The following TSHR variants were observed in gnomAD, a reference collection of about 807,000 sequenced individuals.
The protein encoded by TSHR is thyroid stimulating hormone receptor.
Under a neutral mutation model 64.1 loss-of-function variants are expected in TSHR, and 51 were observed. The observed-to-expected ratio is 0.80, with a 90% CI of 0.64 to 1.01. TSHR has a LOEUF of 1.01. Ranked by LOEUF, TSHR falls within the 50% of genes least tolerant of loss-of-function variation. The pLI is 0.00. For synonymous variants in TSHR, 361 were observed against 361.9 expected (o/e 1.00, Z 0.03); for missense variants, 877 against 942.8 (o/e 0.93, Z 0.91).
chr14:81,011,237 AATTG>A lies in TSHR; in HGVS notation c.171-50907_171-50904del, dbSNP rs1327478734. On this transcript the variant is annotated intron_variant, in intron 1 of 9. Transcript: ENST00000298171. ...TTTTCTTCTTTCTTTTTTTTTCTGA[AATTG>A]ATTAAGAAAAAAAGTATCAGGTTTT... 2.7e-5 allele frequency among the ~76,000 whole-genome samples: 4 copies of A among 149,532 alleles called. No homozygotes were observed. In the Admixed American group the frequency reaches 2.7e-4, roughly 10 times the overall value.
intron 1 of TSHR, chr14:80,959,424 T>A (rs751490573): frequency 6.6e-6 from 1 of 152,218 alleles, no homozygotes; most frequent in Non-Finnish European, 1.5e-5. Context: ...CCCATCACCC[T>A]CTCTTACTCA....
At chr14:81,060,388 T>A (rs1284895705) in intron 1 of TSHR, among the ~76,000 whole-genome samples, 1 of 152,098 alleles carries the variant, frequency 6.6e-6, no homozygotes, top group Non-Finnish European at 1.5e-5. Context: ...ATTAAGGAAA[T>A]AAAAGTGGGA....
At chr14:81,104,061 T>C (rs191802725) in intron 7 of TSHR, 2 of 985,450 alleles carry the variant, frequency 2.0e-6, no homozygotes, top group East Asian at 2.3e-4. Flanking sequence ...TTAAGAAGGC[T>C]ATTATTTATC....
At chr14:80,970,012 A>G (rs1887514885) in intron 1 of TSHR, among the ~76,000 whole-genome samples, 1 of 152,192 alleles carries the variant, frequency 6.6e-6, no homozygotes, top group South Asian at 2.1e-4. Flanking sequence ...TCACAGATGA[A>G]CTGACTGTGA....
chr14:81,141,923 A>G (rs1404012505), intron 9 of TSHR, among the ~76,000 whole-genome samples: 1 of 152,212 alleles, frequency 6.6e-6, no homozygotes, highest in Non-Finnish European at 1.5e-5. Context: ...CTATTGTAAG[A>G]GCCTTAAAAA....
intron 8 of TSHR, among the ~76,000 whole-genome samples, chr14:81,122,284 C>T (rs1890835337): frequency 6.6e-6 from 1 of 151,588 alleles, no homozygotes; most frequent in Non-Finnish European, 1.5e-5. Context: ...CTCAGGCGAT[C>T]CACCTGCCTA....
chr14:81,035,876 A>T (rs950630511), intron 1 of TSHR, among the ~76,000 whole-genome samples: 16 of 124,550 alleles, frequency 1.3e-4, no homozygotes, highest in African/African-American at 5.6e-4. Flanking sequence ...CAAAAAAAAT[A>T]AAAATAAATA....
chr14:81,063,130 C>T (rs73351671), intron 2 of TSHR, among the ~76,000 whole-genome samples: 4,209 of 152,228 alleles, frequency 0.028, 194 homozygotes, highest in African/African-American at 0.096. Flanking sequence ...GGCTGACAGA[C>T]CATCCTACTG....
chr14:81,100,640 C>T (rs1889518428), intron 7 of TSHR, among the ~76,000 whole-genome samples: 1 of 152,210 alleles, frequency 6.6e-6, no homozygotes, highest in Non-Finnish European at 1.5e-5. Context: ...AATCAGGGTT[C>T]CCCCAGTCCC....
chr14:81,037,988 A>C (rs1160150696), intron 1 of TSHR, among the ~76,000 whole-genome samples: 2 of 151,860 alleles, frequency 1.3e-5, no homozygotes, highest in Admixed American at 1.3e-4. Flanking sequence ...GACCTAACAG[A>C]TATTTGCAGA....
At chr14:81,028,323 G>C (rs531758527) in intron 1 of TSHR, among the ~76,000 whole-genome samples, 1 of 151,954 alleles carries the variant, frequency 6.6e-6, no homozygotes, top group Non-Finnish European at 1.5e-5. Context: ...AAATTTAATC[G>C]CAAAATAGTA....
chr14:80,999,165 C>G (rs1480721831), intron 1 of TSHR, among the ~76,000 whole-genome samples: 1 of 152,186 alleles, frequency 6.6e-6, no homozygotes. Context: ...TCTCCTATAC[C>G]TGATTCATGA....
intron 3 of TSHR, among the ~76,000 whole-genome samples, chr14:81,073,017 A>AAAAAAAAAAATATAT (rs1555376957): frequency 2.2e-5 from 2 of 91,216 alleles, no homozygotes; most frequent in African/African-American, 9.0e-5. Context: ...AAAAATAAAA[A>AAAAAAAAAAATATAT]ATAAATATAT....
chr14:80,985,513 A>G (rs777673745), intron 1 of TSHR, among the ~76,000 whole-genome samples: 3 of 152,160 alleles, frequency 2.0e-5, no homozygotes, highest in Non-Finnish European at 2.9e-5. Flanking sequence ...TGCTGTGCCA[A>G]TCTACAAGAC....
intron 1 of TSHR, among the ~76,000 whole-genome samples, chr14:81,060,483 C>G (rs1038396846): frequency 3.3e-5 from 5 of 152,064 alleles, no homozygotes; most frequent in Non-Finnish European, 5.9e-5. Flanking sequence ...GGCAAAACAC[C>G]AGAGGTTGGG....
intron 8 of TSHR, among the ~76,000 whole-genome samples, chr14:81,124,825 T>C (rs1460297983): frequency 1.3e-5 from 2 of 152,220 alleles, no homozygotes; most frequent in Admixed American, 6.5e-5. Flanking sequence ...ATTTGTATAT[T>C]TTCTTTTACC....
chr14:81,132,783 T>C (rs1303481009), intron 8 of TSHR, among the ~76,000 whole-genome samples: 1 of 151,948 alleles, frequency 6.6e-6, no homozygotes, highest in Non-Finnish European at 1.5e-5. Flanking sequence ...TTTCTATCCA[T>C]ATGGCTACAT....
rs537029347 is a variant in TSHR at position 81,144,337 on chromosome 14, T to C, written c.2279T>C (p.Met760Thr). 5 of 1,614,206 alleles carry C rather than the reference T, an allele frequency of 3.1e-6. No individual in the cohort carries two copies. The South Asian group carries it at 3.3e-5, about 11-fold the overall frequency. ...CAAGGCCAAATCTCAGAAGAGTATA[T>C]GCAAACGGTTTTGTAAGTTAACACT... is the stretch of plus-strand genomic sequence containing the variant. ...KKQGQISEEY[M>T]QTVL Residue 760 changes from methionine (M) to threonine (T), a missense_variant, in exon 10 of 10, where the codon ATG (methionine) becomes ACG (threonine). Transcript: ENST00000298171.
intron 6 of TSHR, 146 bp from the exon 7 acceptor site, chr14:81,096,491 GGA>G (rs1318424363): frequency 2.7e-6 from 2 of 728,590 alleles, no homozygotes; most frequent in African/African-American, 3.5e-5. Context: ...AACTTGTACT[GGA>G]AAGTTTTCTT....
Sources: gnomAD v4.1 joint callset for allele counts (sites outside exome capture counted in the v4.1 genomes callset) on GRCh38, gnomAD v4.1.1 for gene constraint, MANE v1.5 for transcripts, NCBI Gene and HGNC (gene_info 2026-07-23, HGNC 2026-07-21) for gene names.